Variants in GPR137C observed in about 807,000 individuals in gnomAD.
GPR137C encodes integral membrane protein GPR137C.
Under a neutral mutation model 43.4 loss-of-function variants are expected in GPR137C, and 27 were observed. That is an observed-to-expected ratio of 0.62 (90% CI 0.46 to 0.86). The LOEUF (loss-of-function observed/expected upper bound fraction) is 0.86, where lower values mean the gene tolerates loss of function less well. GPR137C is among the 40% of genes least tolerant of loss of function. The pLI, the probability that GPR137C is intolerant of heterozygous loss-of-function variation, is 0.00. For missense variants in GPR137C, 522 were observed against 534.6 expected (o/e 0.98, Z 0.23); for synonymous variants, 285 against 226.9 (o/e 1.26, Z -2.30).
chr14:52,604,444 C>G (rs1245196306), intron 3 of GPR137C, among the ~76,000 whole-genome samples: 1 of 142,258 alleles, frequency 7.0e-6, no homozygotes, highest in Non-Finnish European at 1.5e-5. Flanking sequence ...AGAGATGGGG[C>G]TTTTTTTTTT....
At position 52,598,334 on chromosome 14, in the gene GPR137C, TA is replaced by T; in HGVS notation, c.488+22del. 9.0e-7 allele frequency: 1 copy of T among 1,109,442 alleles called. No individual in the cohort carries two copies. Among genetic ancestry groups the T allele is most frequent in the Admixed American group, 2.4e-5 (1 of 42,194 alleles). The allele number at this position is 1,109,442 out of a possible 1,614,324, so 68.7% of individuals were successfully genotyped here. The stretch of plus-strand genomic sequence containing the variant: ...GACACAAGTAAGTTTTATGAGTATC[TA>T]AATTTCTATCTAAAAGATCTAAAGC... On this transcript the variant is annotated intron_variant, in intron 2 of 6. Coordinates refer to ENST00000321662, the MANE Select transcript of GPR137C (RefSeq NM_001099652.2).
chr14:52,567,896 G>A (rs999026679), intron 1 of GPR137C, among the ~76,000 whole-genome samples: 1 of 152,090 alleles, frequency 6.6e-6, no homozygotes, highest in Non-Finnish European at 1.5e-5. Context: ...CTGACCTCGT[G>A]ATCTGCCCGC....
intron 1 of GPR137C, chr14:52,596,894 G>A (rs943033397): frequency 4.4e-6 from 2 of 453,932 alleles, no homozygotes; most frequent in Non-Finnish European, 8.8e-6. Context: ...GAAATCACCT[G>A]TCTTCTGCGT....
At chr14:52,629,513 CAACT>C (rs1461468043) in intron 3 of GPR137C, among the ~76,000 whole-genome samples, 4 of 152,140 alleles carry the variant, frequency 2.6e-5, no homozygotes, top group Non-Finnish European at 4.4e-5. Context: ...GCAATAAAAA[CAACT>C]AACTCCTGAT....
chr14:52,632,635 A>G (rs2039308474), intron 4 of GPR137C, among the ~76,000 whole-genome samples: 1 of 152,026 alleles, frequency 6.6e-6, no homozygotes, highest in South Asian at 2.1e-4. Flanking sequence ...TGAATTCCCT[A>G]TTATTAGCCA....
intron 1 of GPR137C, among the ~76,000 whole-genome samples, chr14:52,591,018 TC>T (rs1330752949): frequency 7.4e-5 from 11 of 147,684 alleles, no homozygotes; most frequent in African/African-American, 2.5e-4. Context: ...TGTGTGATGT[TC>T]CCCACCCTGT....
rs191688076 is a variant in GPR137C at position 52,568,426 on chromosome 14, C to T, written c.444+14835C>T. Reference sequence around the variant, plus strand: ...CTGCAGGAGTTTTTTTTTCATACCCCGGTGGCACCTGGAACACCAGCGAAA... The same window carrying T: ...CTGCAGGAGTTTTTTTTTCATACCCTGGTGGCACCTGGAACACCAGCGAAA... On this transcript the variant is annotated intron_variant, in intron 1 of 6. Coordinates refer to ENST00000321662, the MANE Select transcript of GPR137C (RefSeq NM_001099652.2). Among the ~76,000 whole-genome samples, 469 of 152,174 alleles carry T rather than the reference C, an allele frequency of 3.1e-3. 3 individuals are homozygous for T. The highest frequency in any genetic ancestry group is 0.011 in the African/African-American group (445 of 41,526).
intron 1 of GPR137C, among the ~76,000 whole-genome samples, chr14:52,593,315 G>A (rs2038808004): frequency 6.6e-6 from 1 of 152,154 alleles, no homozygotes; most frequent in African/African-American, 2.4e-5. Flanking sequence ...GTCTCTGCCA[G>A]GCCTTTGTGT....
intron 1 of GPR137C, among the ~76,000 whole-genome samples, chr14:52,573,362 T>C (rs747767525): frequency 1.3e-5 from 2 of 152,200 alleles, no homozygotes; most frequent in African/African-American, 2.4e-5. Context: ...ATGGTACTTA[T>C]ACCAAAACAG....
At chr14:52,595,264 T>G (rs540359407) in intron 1 of GPR137C, among the ~76,000 whole-genome samples, 15 of 152,298 alleles carry the variant, frequency 9.8e-5, no homozygotes, top group African/African-American at 3.4e-4. Context: ...TTTCCTTCAT[T>G]TCAACCTTGG....
At chr14:52,608,342 TAAC>T (rs2039004584) in intron 3 of GPR137C, among the ~76,000 whole-genome samples, 1 of 152,230 alleles carries the variant, frequency 6.6e-6, no homozygotes, top group Admixed American at 6.5e-5. Flanking sequence ...TTAAGATTGA[TAAC>T]AACTTTGATC....
intron 3 of GPR137C, 75 bp from the exon 4 acceptor site, chr14:52,632,085 A>G (rs2039300735): frequency 1.1e-6 from 1 of 950,226 alleles, no homozygotes. Context: ...AGAGGTGACC[A>G]TATTGTATGT....
intron 1 of GPR137C, among the ~76,000 whole-genome samples, chr14:52,561,368 G>T (rs2038281143): frequency 6.6e-6 from 1 of 152,192 alleles, no homozygotes; most frequent in Non-Finnish European, 1.5e-5. Flanking sequence ...AGCTACTCAG[G>T]AAACTGAGGC....
At chr14:52,559,648 C>T (rs1016253468) in intron 1 of GPR137C, among the ~76,000 whole-genome samples, 1 of 152,106 alleles carries the variant, frequency 6.6e-6, no homozygotes, top group African/African-American at 2.4e-5. Context: ...CAAAGTACTT[C>T]ACAACATTGT....
chr14:52,592,391 G>A (rs1041927422), intron 1 of GPR137C, among the ~76,000 whole-genome samples: 2 of 152,120 alleles, frequency 1.3e-5, no homozygotes, highest in African/African-American at 2.4e-5. Context: ...GCTTGATGGG[G>A]ATAGCAATGA....
At chr14:52,580,859 A>T in intron 1 of GPR137C, among the ~76,000 whole-genome samples, 1 of 147,710 alleles carries the variant, frequency 6.8e-6, no homozygotes, top group Middle Eastern at 3.6e-3. Context: ...ATATATAAAT[A>T]TATATTTCTT....
chr14:52,601,859 G>C (rs2038930015), intron 3 of GPR137C, among the ~76,000 whole-genome samples: 1 of 151,732 alleles, frequency 6.6e-6, no homozygotes, highest in Non-Finnish European at 1.5e-5. Flanking sequence ...CTTTGAAATA[G>C]ATAATACTCT....
intron 3 of GPR137C, chr14:52,613,668 C>T: frequency 3.6e-6 from 1 of 277,432 alleles, no homozygotes; most frequent in African/African-American, 2.2e-5. Context: ...CATGTTGTTG[C>T]AGATTACAGG....
intron 1 of GPR137C, among the ~76,000 whole-genome samples, chr14:52,585,133 C>T (rs1423317866): frequency 6.6e-6 from 1 of 152,162 alleles, no homozygotes; most frequent in East Asian, 1.9e-4. Context: ...AATCCATCTG[C>T]CAAATTCTCT....
Sources: allele counts gnomAD v4.1 joint callset (sites outside exome capture counted in the v4.1 genomes callset), GRCh38; gene constraint gnomAD v4.1.1; transcripts MANE v1.5; gene names NCBI Gene and HGNC (gene_info 2026-07-23, HGNC 2026-07-21).